HDAC9: variants seen among roughly 807,000 people sequenced by gnomAD.
HDAC9 encodes the protein MEF-2 interacting transcription repressor (MITR) protein.
A neutral mutation model predicts 139.4 loss-of-function variants in HDAC9; 41 were observed. That is an observed-to-expected ratio of 0.29 (90% confidence interval 0.23 to 0.38). HDAC9 has a LOEUF of 0.38. HDAC9 is among the 10% of genes least tolerant of loss of function. The pLI, the probability that HDAC9 is intolerant of heterozygous loss-of-function variation, is 1.00. For missense variants in HDAC9, 1,147 were observed against 1,297.0 expected (o/e 0.88, Z 1.78); for synonymous variants, 517 against 476.2 (o/e 1.09, Z -1.12).
chr7:18,621,739 T>G (rs1840270543), intron 6 of HDAC9, among the ~76,000 whole-genome samples: 1 of 152,220 alleles, frequency 6.6e-6, no homozygotes, highest in Non-Finnish European at 1.5e-5. Context: ...AAGGTTCATT[T>G]TATCCCAGCC....
chr7:18,591,901 C>A (rs542669316), intron 5 of HDAC9, among the ~76,000 whole-genome samples: 1 of 152,238 alleles, frequency 6.6e-6, no homozygotes, highest in East Asian at 1.9e-4. Context: ...TAAATGGTAG[C>A]ATTTATCAAC....
intron 1 of HDAC9, among the ~76,000 whole-genome samples, chr7:18,304,872 C>T (rs1798807206): frequency 6.6e-6 from 1 of 152,076 alleles, no homozygotes; most frequent in Non-Finnish European, 1.5e-5. Context: ...GAAAATGATC[C>T]ATGCTGCCCT....
At chr7:18,173,035 A>G (rs1019022432) in intron 2 of HDAC9, among the ~76,000 whole-genome samples, 2 of 152,174 alleles carry the variant, frequency 1.3e-5, no homozygotes, top group African/African-American at 4.8e-5. Context: ...TGATCTGTCT[A>G]ATATTAACAG....
intron 1 of HDAC9, among the ~76,000 whole-genome samples, chr7:18,094,802 C>G (rs537142688): frequency 2.4e-4 from 37 of 152,138 alleles, no homozygotes; most frequent in Admixed American, 5.2e-4. Flanking sequence ...TCCAGTAAAT[C>G]ATTAAGGATT....
intron 22 of HDAC9, among the ~76,000 whole-genome samples, chr7:18,886,138 G>GTGAATGAGTGCTCCATGTTCGCTCTTAC: frequency 6.6e-6 from 1 of 152,084 alleles, no homozygotes; most frequent in Non-Finnish European, 1.5e-5. Context: ...ATTTATTCAA[G>GTGAATGAGTGCTCCATGTTCGCTCTTAC]TGAATGAGTG....
At chr7:18,887,005 G>A (rs1333166546) in intron 22 of HDAC9, among the ~76,000 whole-genome samples, 1 of 152,174 alleles carries the variant, frequency 6.6e-6, no homozygotes, top group African/African-American at 2.4e-5. Flanking sequence ...TAATGTCATG[G>A]CCTGGTGCCA....
intron 13 of HDAC9, among the ~76,000 whole-genome samples, chr7:18,732,322 T>A (rs1786132544): frequency 6.6e-6 from 1 of 152,118 alleles, no homozygotes; most frequent in African/African-American, 2.4e-5. Flanking sequence ...TCTATTAAAA[T>A]ATGTTTATAC....
intron 1 of HDAC9, among the ~76,000 whole-genome samples, chr7:18,362,958 A>T (rs1272950006): frequency 6.6e-6 from 1 of 152,160 alleles, no homozygotes; most frequent in Non-Finnish European, 1.5e-5. Context: ...GACTTATCCC[A>T]CCCAGATTGA....
At chr7:18,255,988 GT>G (rs1246683109) in intron 2 of HDAC9, among the ~76,000 whole-genome samples, 1 of 152,138 alleles carries the variant, frequency 6.6e-6, no homozygotes, top group East Asian at 1.9e-4. Flanking sequence ...TGAAAGCACA[GT>G]TTAAAAAGCC....
intron 25 of HDAC9, among the ~76,000 whole-genome samples, chr7:18,979,385 C>G (rs530470221): frequency 1.2e-3 from 186 of 152,204 alleles, no homozygotes; most frequent in Non-Finnish European, 2.1e-3. Flanking sequence ...TGATTTTCCT[C>G]AAATAGCCCA....
At chr7:18,816,504 C>G (rs1302465012) in intron 17 of HDAC9, among the ~76,000 whole-genome samples, 1 of 152,178 alleles carries the variant, frequency 6.6e-6, no homozygotes, top group African/African-American at 2.4e-5. Context: ...AGTTATTTAA[C>G]AGGATATTAA....
chr7:18,693,681 G>C (rs548310579), intron 12 of HDAC9, among the ~76,000 whole-genome samples: 1 of 152,248 alleles, frequency 6.6e-6, no homozygotes, highest in East Asian at 1.9e-4. Context: ...CCACTCAAGT[G>C]TCTTAGTCGA....
chr7:18,601,965 G>A (rs1198475806), intron 6 of HDAC9, among the ~76,000 whole-genome samples: 1 of 152,058 alleles, frequency 6.6e-6, no homozygotes, highest in Non-Finnish European at 1.5e-5. Context: ...TTGGCAGTAT[G>A]GTAATGCTGT....
intron 16 of HDAC9, among the ~76,000 whole-genome samples, chr7:18,784,324 C>T (rs1355507965): frequency 1.3e-5 from 2 of 151,894 alleles, no homozygotes; most frequent in Admixed American, 6.6e-5. Flanking sequence ...GTGATCCTCC[C>T]GCCTCAGCTT....
At chr7:18,104,622 A>G (rs1783081485) in intron 1 of HDAC9, among the ~76,000 whole-genome samples, 1 of 151,414 alleles carries the variant, frequency 6.6e-6, no homozygotes, top group Admixed American at 6.6e-5. Context: ...ACTGTTTACT[A>G]CTCCCCCTTT....
At chr7:18,965,098 A>G (rs1231054711) in intron 24 of HDAC9, among the ~76,000 whole-genome samples, 1 of 152,200 alleles carries the variant, frequency 6.6e-6, no homozygotes, top group East Asian at 1.9e-4. Flanking sequence ...ATGCACTCAC[A>G]GCTCCGTATC....
At chr7:18,359,639 C>T (rs938257719) in intron 1 of HDAC9, among the ~76,000 whole-genome samples, 12 of 152,154 alleles carry the variant, frequency 7.9e-5, no homozygotes, top group Non-Finnish European at 1.8e-4. Context: ...GATGGAATCT[C>T]ATTCTGTCAC....
chr7:18,792,988 G>A (rs1291691954), intron 16 of HDAC9, among the ~76,000 whole-genome samples: 1 of 152,042 alleles, frequency 6.6e-6, no homozygotes, highest in Non-Finnish European at 1.5e-5. Context: ...CTACTACTGG[G>A]GCCTGGTTTC....
intron 1 of HDAC9, among the ~76,000 whole-genome samples, chr7:18,099,447 G>A (rs1485670744): frequency 6.6e-6 from 1 of 151,518 alleles, no homozygotes; most frequent in African/African-American, 2.4e-5. Context: ...CAGCCTGGGC[G>A]ACAGAGTGAG....
Sources: gnomAD v4.1 joint callset for allele counts (sites outside exome capture counted in the v4.1 genomes callset) on GRCh38, gnomAD v4.1.1 for gene constraint, MANE v1.5 for transcripts, NCBI Gene and HGNC (gene_info 2026-07-23, HGNC 2026-07-21) for gene names.